EDNRA: variants seen among roughly 807,000 people sequenced by gnomAD.
EDNRA encodes the protein endothelin-1 receptor.
A neutral mutation model predicts 41.4 loss-of-function variants in EDNRA; 11 were observed. The ratio of observed to expected loss-of-function variants is 0.27; its 90% CI spans 0.17 to 0.44. EDNRA has a LOEUF of 0.44. EDNRA is among the 20% of genes least tolerant of loss of function. The probability of loss-of-function intolerance (pLI) is 1.00; values close to 1 mark genes in which losing one functional copy is unlikely to be tolerated. For missense variants in EDNRA, 294 were observed against 531.0 expected, an observed-to-expected ratio of 0.55 and a Z score of 4.39; for synonymous variants, 172 against 183.0, an observed-to-expected ratio of 0.94 and a Z score of 0.49.
chr4:147,515,415 G>A (rs1465623847), intron 2 of EDNRA, among the ~76,000 whole-genome samples: 2 of 152,128 alleles, frequency 1.3e-5, no homozygotes, highest in East Asian at 1.9e-4. Flanking sequence ...ATAAGCACTG[G>A]CCTAGGGTGA....
intron 2 of EDNRA, among the ~76,000 whole-genome samples, chr4:147,507,578 A>G (rs1560903158): frequency 2.6e-5 from 4 of 152,226 alleles, no homozygotes; most frequent in Non-Finnish European, 1.5e-5. Context: ...GAGGACATCA[A>G]AAGGGATCCT....
chr4:147,520,095 T>C, intron 3 of EDNRA, 117 bp downstream of exon 3: 1 of 1,310,528 alleles, frequency 7.6e-7, no homozygotes, highest in Non-Finnish European at 1.0e-6. Flanking sequence ...TTCAAGTGAA[T>C]TAAAGCATTA....
At chr4:147,529,490 G>A (rs192011466) in intron 3 of EDNRA, among the ~76,000 whole-genome samples, 6 of 152,300 alleles carry the variant, frequency 3.9e-5, no homozygotes, top group African/African-American at 1.4e-4. Flanking sequence ...AGAATTTGTG[G>A]AGAAAGCGGG....
At chr4:147,481,752 T>A (rs4835084) in intron 1 of EDNRA, among the ~76,000 whole-genome samples, 68,726 of 152,154 alleles carry the variant, frequency 0.45, 20,082 homozygotes, top group African/African-American at 0.84. Context: ...TCCAGCGCCT[T>A]CTTGTGAAGT....
At chr4:147,534,549 T>A (rs1730856053) in intron 4 of EDNRA, among the ~76,000 whole-genome samples, 1 of 152,204 alleles carries the variant, frequency 6.6e-6, no homozygotes, top group Non-Finnish European at 1.5e-5. Flanking sequence ...TTTACCAGTA[T>A]CATGACTTTT....
intron 3 of EDNRA, among the ~76,000 whole-genome samples, chr4:147,522,521 G>C (rs1028568173): frequency 6.6e-6 from 1 of 151,966 alleles, no homozygotes; most frequent in East Asian, 1.9e-4. Context: ...TCCAGGCTGG[G>C]GGATGGAGTG....
chr4:147,506,082 TC>T, intron 2 of EDNRA: 1 of 514,058 alleles, frequency 1.9e-6, no homozygotes, highest in Non-Finnish European at 3.9e-6. Flanking sequence ...GTTCCCAGTA[TC>T]CTGGCAGGTT....
At chr4:147,532,746 G>A in intron 4 of EDNRA, 42 bp downstream of exon 4, 1 of 1,579,598 alleles carries the variant, frequency 6.3e-7, no homozygotes, top group Non-Finnish European at 8.7e-7. Context: ...AAGGGAGGAG[G>A]TCCTCCGTTA....
intron 5 of EDNRA, among the ~76,000 whole-genome samples, chr4:147,539,472 A>G (rs1731025656): frequency 6.6e-6 from 1 of 151,888 alleles, no homozygotes; most frequent in African/African-American, 2.4e-5. Context: ...ACACACACAC[A>G]GGCAGACTCA....
chr4:147,490,147 T>TCACACACA (rs35106938), intron 2 of EDNRA: 4 of 140,790 alleles, frequency 2.8e-5, no homozygotes, highest in Admixed American at 7.1e-5. Flanking sequence ...TTACATACAC[T>TCACACACA]CACACACACA....
chr4:147,538,487 T>G (rs1414126705), intron 5 of EDNRA, among the ~76,000 whole-genome samples: 1 of 152,224 alleles, frequency 6.6e-6, no homozygotes, highest in African/African-American at 2.4e-5. Context: ...CAGACTATCA[T>G]GGCAGTGTAC....
chr4:147,520,876 T>G (rs1414192982), intron 3 of EDNRA, among the ~76,000 whole-genome samples: 1 of 152,246 alleles, frequency 6.6e-6, no homozygotes, highest in Non-Finnish European at 1.5e-5. Flanking sequence ...ACATTTATAA[T>G]TATTGTTAGG....
At chr4:147,512,856 GCCA>G (rs1729973356) in intron 2 of EDNRA, among the ~76,000 whole-genome samples, 1 of 152,108 alleles carries the variant, frequency 6.6e-6, no homozygotes, top group South Asian at 2.1e-4. Flanking sequence ...TGTGTGGCCT[GCCA>G]CCACCCTGCA....
chr4:147,539,053 G>T (rs570718588), intron 5 of EDNRA, among the ~76,000 whole-genome samples: 17 of 152,134 alleles, frequency 1.1e-4, no homozygotes, highest in Admixed American at 9.8e-4. Context: ...AGACTGAAAG[G>T]CATGCAAACC....
chr4:147,539,639 G>A (rs1158668228), intron 5 of EDNRA, among the ~76,000 whole-genome samples, 178 bp from the exon 6 acceptor site: 3 of 151,998 alleles, frequency 2.0e-5, no homozygotes, highest in Non-Finnish European at 4.4e-5. Flanking sequence ...CAATTCCTTC[G>A]TTAGAACACT....
At chr4:147,496,992 A>C (rs953124735) in intron 2 of EDNRA, among the ~76,000 whole-genome samples, 1 of 152,132 alleles carries the variant, frequency 6.6e-6, no homozygotes, top group Non-Finnish European at 1.5e-5. Context: ...TGTCATATTT[A>C]TGTATCAACA....
intron 3 of EDNRA, 24 bp downstream of exon 3, chr4:147,520,002 T>G (rs199624902): frequency 1.3e-6 from 2 of 1,590,516 alleles, no homozygotes; most frequent in Non-Finnish European, 1.7e-6. Flanking sequence ...TTCCCTTTGC[T>G]CTTTGGCTGG....
chr4:147,536,983 A>G (rs1730941996), intron 5 of EDNRA, among the ~76,000 whole-genome samples: 1 of 152,228 alleles, frequency 6.6e-6, no homozygotes, highest in African/African-American at 2.4e-5. Context: ...CCTAGTAGGT[A>G]TTAAGCAAAT....
intron 2 of EDNRA, among the ~76,000 whole-genome samples, chr4:147,504,997 A>C (rs1409068728): frequency 7.2e-6 from 1 of 139,148 alleles, no homozygotes; most frequent in African/African-American, 2.9e-5. Context: ...TCTAGAATAT[A>C]CAGAGAATTC....
Sources: allele counts gnomAD v4.1 joint callset (sites outside exome capture counted in the v4.1 genomes callset), GRCh38; gene constraint gnomAD v4.1.1; transcripts MANE v1.5; gene names NCBI Gene and HGNC (gene_info 2026-07-23, HGNC 2026-07-21).